ERCC6: variants seen among roughly 807,000 people sequenced by gnomAD.
The protein encoded by ERCC6 is DNA excision repair protein ERCC-6.
A neutral mutation model predicts 158.7 loss-of-function variants in ERCC6; 116 were observed. That is an observed-to-expected ratio of 0.73 (90% confidence interval 0.63 to 0.85). The LOEUF is 0.85. ERCC6 is among the 40% of genes least tolerant of loss of function. The pLI is 0.00. For synonymous variants in ERCC6, 678 were observed against 659.3 expected, an observed-to-expected ratio of 1.03 and a Z score of -0.43; for missense variants, 1,698 against 1,799.4, an observed-to-expected ratio of 0.94 and a Z score of 1.02.
chr10:49,474,227 T>C lies in ERCC6; in HGVS notation c.2398A>G (p.Ile800Val), dbSNP rs137940039. 11 of 1,613,850 alleles carry C rather than the reference T, an allele frequency of 6.8e-6. No homozygotes were observed. The African/African-American group carries it at 8.0e-5, about 12-fold the overall frequency. ...NGEMQIFSGL[I>V]ALRKICNHPD... ...TGGTTGCAAATTTTTCTTAGGGCTA[T>C]AAGTCCGGAGAAAATCTGTGGTAAG... Residue 800 changes from isoleucine to valine, a missense_variant, in exon 13 of 21, where the codon ATA becomes GTA. Physicochemically the swap from Ile to Val is conservative, Grantham distance 29 (BLOSUM62 3). Coordinates refer to ENST00000355832, the MANE Select transcript of ERCC6 (RefSeq NM_000124.4).
chr10:49,534,874 G>A (rs573826684), intron 1 of ERCC6, among the ~76,000 whole-genome samples: 32 of 152,166 alleles, frequency 2.1e-4, no homozygotes, highest in South Asian at 1.5e-3. Flanking sequence ...ATAAAGCACC[G>A]GGATACAAAG....
Position 49,524,610 on chromosome 10 carries a change from A to C in ERCC6, c.820T>G (p.Tyr274Asp). 2 of 1,614,066 alleles carry C rather than the reference A, an allele frequency of 1.2e-6. No individual in the cohort carries two copies. Among genetic ancestry groups the C allele is most frequent in the Middle Eastern group, 3.3e-4 (2 of 6,062 alleles). ...MLNEASGFEKYLADQAKLSFE... is the reference protein window; with the variant it reads ...MLNEASGFEKDLADQAKLSFE... ...GACAGTTTTGCTTGATCTGCCAAAT[A>C]CTTTTCGAAGCCTGATGCTTCATTA... Residue 274 changes from tyrosine (Y) to aspartate (D), a missense_variant, in exon 5 of 21, where the codon TAT (tyrosine) becomes GAT (aspartate). Physicochemically the swap from Tyr to Asp is radical, Grantham distance 160 (BLOSUM62 -3). Coordinates refer to ENST00000355832, the MANE Select transcript of ERCC6 (RefSeq NM_000124.4).
At position 49,472,531 on chromosome 10, in the gene ERCC6, T is replaced by C. The variant is rs4253201; in HGVS notation, c.2830-61A>G. 1.1e-3 allele frequency: 1,717 copies of C among 1,558,294 alleles called. 40 individuals carry two copies. The Admixed American group carries it at 0.027, about 25-fold the overall frequency. ...CCTTCCCAATGACAAGCACTGACTATAAGAAACAAAGCTAGCTGGTCACTA... is the reference window on the plus strand; with the variant it reads ...CCTTCCCAATGACAAGCACTGACTACAAGAAACAAAGCTAGCTGGTCACTA... On this transcript the variant is annotated intron_variant, in intron 15 of 20. Transcript: ENST00000355832.
the ERCC6 span, among the ~76,000 whole-genome samples, chr10:49,438,945 G>GT: frequency 6.6e-6 from 1 of 152,182 alleles, no homozygotes. Context: ...TAAAAAGTAG[G>GT]TTCCCATGGT....
rs115746084 is a variant in ERCC6, at chr10:49,508,808, C to G, written c.1398-2796G>C. ...GCAGCACAGCTAAAGATGGGGCCGA[C>G]AAGTACACCACAACACACTAGGGAA... On this transcript the variant is annotated intron_variant, in intron 5 of 20. Transcript: ENST00000355832. 5.8e-3 allele frequency among the ~76,000 whole-genome samples: 886 copies of G among 152,210 alleles called. 8 individuals are homozygous for G. Among genetic ancestry groups the G allele is most frequent in the African/African-American group, 0.02 (841 of 41,532 alleles).
At chr10:49,435,961 C>T in the ERCC6 span, among the ~76,000 whole-genome samples, 1 of 150,314 alleles carries the variant, frequency 6.7e-6, no homozygotes, top group Non-Finnish European at 1.5e-5. Context: ...GAGATCGTGC[C>T]ACTGTACTCC....
At chr10:49,467,568 C>T (rs993604353) in intron 18 of ERCC6, among the ~76,000 whole-genome samples, 10 of 151,944 alleles carry the variant, frequency 6.6e-5, no homozygotes, top group Non-Finnish European at 1.0e-4. Flanking sequence ...TTGGGTTATA[C>T]ATTTTATTAT....
At chr10:49,478,606 T>C in intron 10 of ERCC6, 136 bp from the exon 11 acceptor site, 1 of 717,540 alleles carries the variant, frequency 1.4e-6, no homozygotes, top group Non-Finnish European at 2.5e-6. Context: ...GGGAAATGAT[T>C]GCAAAATGGT....
Position 49,507,741 on chromosome 10 carries a change from A to T in ERCC6, c.1398-1729T>A, listed in dbSNP as rs4253091. 5.8e-4 allele frequency among the ~76,000 whole-genome samples: 88 copies of T among 152,230 alleles called. 2 individuals carry two copies. In the East Asian group the frequency reaches 0.014, roughly 24 times the overall value. On this transcript the variant is annotated intron_variant, in intron 5 of 20. Transcript: ENST00000355832. ...TAGAACTGTGGAAGGAGTCGGGAGG[A>T]TATACTACTACTGGCATCTTGCAGG...
chr10:49,444,021 C>T, the ERCC6 span, among the ~76,000 whole-genome samples: 3 of 152,216 alleles, frequency 2.0e-5, no homozygotes, highest in Non-Finnish European at 4.4e-5. Context: ...GGAAAGCATA[C>T]TCAGATGGGG....
At chr10:49,507,794 T>A (rs1238630127) in intron 5 of ERCC6, among the ~76,000 whole-genome samples, 1 of 152,158 alleles carries the variant, frequency 6.6e-6, no homozygotes, top group African/African-American at 2.4e-5. Flanking sequence ...CTAAACATCC[T>A]ACACCACACA....
At chr10:49,479,661 T>C (rs965942159) in intron 10 of ERCC6, among the ~76,000 whole-genome samples, 10 of 152,206 alleles carry the variant, frequency 6.6e-5, no homozygotes, top group African/African-American at 2.2e-4. Flanking sequence ...GTACAGTCTA[T>C]AAAGAAAACT....
chr10:49,469,129 T>C (rs896853178), intron 18 of ERCC6, among the ~76,000 whole-genome samples: 6 of 152,214 alleles, frequency 3.9e-5, no homozygotes, highest in Admixed American at 3.3e-4. Flanking sequence ...GAATCATCAA[T>C]AGATATTAAA....
downstream of ERCC6, among the ~76,000 whole-genome samples, chr10:49,451,175 T>C (rs1850416373): frequency 1.0e-5 from 1 of 95,474 alleles, no homozygotes; most frequent in Admixed American, 1.6e-4. Context: ...TTAGTTTCAA[T>C]AGTTTTTTTT....
intron 18 of ERCC6, among the ~76,000 whole-genome samples, chr10:49,466,825 C>T (rs1215976048): frequency 5.3e-5 from 8 of 152,162 alleles, no homozygotes; most frequent in African/African-American, 1.4e-4. Flanking sequence ...CTTGCTCTGT[C>T]GCACAGGCAG....
At chr10:49,451,799 T>G (rs1298113416), downstream of ERCC6, among the ~76,000 whole-genome samples, 2 of 152,192 alleles carry the variant, frequency 1.3e-5, no homozygotes, top group African/African-American at 2.4e-5. Context: ...TGAAAGAGTT[T>G]GAGAATAATT....
intron 8 of ERCC6, among the ~76,000 whole-genome samples, chr10:49,490,648 CG>C (rs1564426530): frequency 1.3e-5 from 2 of 152,056 alleles, no homozygotes; most frequent in Admixed American, 6.6e-5. Flanking sequence ...CCACCACGCC[CG>C]GACAATTTTC....
At chr10:49,436,046 A>C in the ERCC6 span, among the ~76,000 whole-genome samples, 1 of 151,846 alleles carries the variant, frequency 6.6e-6, no homozygotes, top group East Asian at 1.9e-4. Context: ...AAGACTAAAA[A>C]ACTATGAAAC....
chr10:49,517,227 T>C, intron 5 of ERCC6: 4 of 1,431,198 alleles, frequency 2.8e-6, no homozygotes, highest in Middle Eastern at 2.0e-4. Context: ...GCAATAATAA[T>C]ACTTTCTGTA....
Sources: allele counts gnomAD v4.1 joint callset (sites outside exome capture counted in the v4.1 genomes callset), GRCh38; gene constraint gnomAD v4.1.1; transcripts MANE v1.5; gene names NCBI Gene and HGNC (gene_info 2026-07-23, HGNC 2026-07-21).